TBCK: variants seen among roughly 807,000 people sequenced by gnomAD.
TBCK encodes the protein TBC1 domain containing kinase, also known as TBC domain-containing protein kinase-like protein.
TBCK carries 99 observed loss-of-function variants against 113.4 expected under a neutral mutation model. That is an observed-to-expected ratio of 0.87 (90% CI 0.74 to 1.03). The LOEUF (loss-of-function observed/expected upper bound fraction) is 1.03. Among genes scored for constraint, TBCK ranks in the 50% least tolerant of loss-of-function variants. TBCK has a pLI of 0.00. For synonymous variants in TBCK, 369 were observed against 370.8 expected (o/e 1.00, Z 0.05); for missense variants, 1,045 against 1,061.3 (o/e 0.98, Z 0.21).
intron 22 of TBCK, among the ~76,000 whole-genome samples, chr4:106,180,646 T>C (rs1560773896): frequency 6.6e-6 from 1 of 152,090 alleles, no homozygotes; most frequent in Non-Finnish European, 1.5e-5. Context: ...TGGTTTTCTA[T>C]CTTGTGATAA....
At chr4:106,226,035 A>T (rs376899857) in intron 19 of TBCK, among the ~76,000 whole-genome samples, 1 of 151,966 alleles carries the variant, frequency 6.6e-6, no homozygotes, top group East Asian at 2.0e-4. Flanking sequence ...GTGGTGATGC[A>T]TGCCTGTAGT....
chr4:106,183,320 C>T (rs111259418), intron 22 of TBCK, among the ~76,000 whole-genome samples: 3 of 151,936 alleles, frequency 2.0e-5, no homozygotes, highest in African/African-American at 7.2e-5. Context: ...CATGCAAGGC[C>T]CCCATAACCA....
intron 3 of TBCK, among the ~76,000 whole-genome samples, chr4:106,269,562 A>G (rs1186527801): frequency 2.0e-5 from 3 of 152,170 alleles, no homozygotes. Context: ...GGACACAACT[A>G]TCCATGCTAA....
chr4:106,163,894 A>G (rs1164315170), intron 23 of TBCK, among the ~76,000 whole-genome samples: 1 of 152,108 alleles, frequency 6.6e-6, no homozygotes, highest in Non-Finnish European at 1.5e-5. Flanking sequence ...GAATATAGAA[A>G]GAAAAATTCA....
At chr4:106,312,240 C>A (rs1473863987) in intron 1 of TBCK, among the ~76,000 whole-genome samples, 1 of 152,032 alleles carries the variant, frequency 6.6e-6, no homozygotes, top group East Asian at 1.9e-4. Context: ...ATATAATTGA[C>A]CTGTATTCGG....
chr4:106,194,519 T>C (rs1485815930), intron 21 of TBCK, among the ~76,000 whole-genome samples, 199 bp downstream of exon 21: 1 of 152,056 alleles, frequency 6.6e-6, no homozygotes, highest in Non-Finnish European at 1.5e-5. Context: ...CAATAGGTTT[T>C]TATTTTATAG....
upstream of TBCK, chr4:106,316,366 C>T: frequency 1.6e-6 from 1 of 607,062 alleles, no homozygotes; most frequent in South Asian, 2.1e-5. Context: ...CGGGGGGGGT[C>T]GATTGAAAAT....
chr4:106,083,890 G>C (rs1167405671), intron 25 of TBCK, among the ~76,000 whole-genome samples: 1 of 152,118 alleles, frequency 6.6e-6, no homozygotes, highest in Non-Finnish European at 1.5e-5. Context: ...AGTGACAACA[G>C]CACCAAAAAC....
chr4:106,302,640 CA>C lies in TBCK; in HGVS notation c.193+6127del, dbSNP rs144072867. Reference sequence around the variant, plus strand: ...TCTTGGTGGAAAGAGTGTGGAAAGACAGGCCTCTGCCAAATTTACAGATGTT... The same window carrying C: ...TCTTGGTGGAAAGAGTGTGGAAAGACGGCCTCTGCCAAATTTACAGATGTT... On this transcript the variant is annotated intron_variant, in intron 2 of 25. Transcript: ENST00000394708. Among the ~76,000 whole-genome samples, 865 of 152,004 alleles carry C rather than the reference CA, an allele frequency of 5.7e-3. 9 individuals are homozygous for C. The highest frequency in any genetic ancestry group is 0.02 in the African/African-American group (835 of 41,456).
At chr4:106,085,364 A>G (rs1337752155) in intron 25 of TBCK, among the ~76,000 whole-genome samples, 1 of 152,240 alleles carries the variant, frequency 6.6e-6, no homozygotes, top group Non-Finnish European at 1.5e-5. Context: ...ATCATAAAAG[A>G]CAAAGAAGGG....
chr4:106,065,487 T>C (rs1463221055), intron 25 of TBCK, among the ~76,000 whole-genome samples: 3 of 152,026 alleles, frequency 2.0e-5, no homozygotes, highest in African/African-American at 4.8e-5. Flanking sequence ...AAGGCTTGAA[T>C]TGACTTCATG....
intron 1 of TBCK, among the ~76,000 whole-genome samples, chr4:106,314,722 T>C (rs1561013068): frequency 6.9e-6 from 1 of 145,036 alleles, no homozygotes; most frequent in Non-Finnish European, 1.5e-5. Flanking sequence ...ACCTCCCGGG[T>C]TCAAGCGATT....
At chr4:106,241,042 T>A (rs1455387639) in intron 12 of TBCK, among the ~76,000 whole-genome samples, 2 of 152,022 alleles carry the variant, frequency 1.3e-5, no homozygotes, top group Non-Finnish European at 2.9e-5. Flanking sequence ...ATAGATCATA[T>A]CAATGCTTGA....
At chr4:106,139,652 G>A (rs574867945) in intron 23 of TBCK, among the ~76,000 whole-genome samples, 1 of 141,238 alleles carries the variant, frequency 7.1e-6, no homozygotes, top group South Asian at 2.4e-4. Flanking sequence ...AGATCAGAAA[G>A]GTTATGTACA....
At chr4:106,240,834 CAT>C (rs748535405) in intron 12 of TBCK, among the ~76,000 whole-genome samples, 13 of 152,068 alleles carry the variant, frequency 8.5e-5, no homozygotes, top group Admixed American at 1.3e-4. Context: ...GAAAGATAGA[CAT>C]GTGATAAAGC....
Position 106,214,331 on chromosome 4 carries a change from G to A in TBCK, c.1775-1496C>T, listed in dbSNP as rs565510686. Among the ~76,000 whole-genome samples, 451 of 151,988 alleles carry A rather than the reference G, an allele frequency of 3.0e-3. 2 individuals carry two copies. The highest frequency in any genetic ancestry group is 5.8e-3 in the Admixed American group (88 of 15,256). ...AGCGCCTCTCCTCCTCCAAAGGAAC[G>A]CGGCTCCTCACCAGCAACGGAACAC... On this transcript the variant is annotated intron_variant, in intron 19 of 25. Coordinates refer to ENST00000394708, the MANE Select transcript of TBCK (RefSeq NM_001163435.3).
At chr4:106,213,983 A>G (rs1756517584) in intron 19 of TBCK, among the ~76,000 whole-genome samples, 1 of 152,202 alleles carries the variant, frequency 6.6e-6, no homozygotes, top group South Asian at 2.1e-4. Context: ...ACAGCTTTGA[A>G]GAGAGCAGTG....
chr4:106,166,836 A>C (rs1560749203), intron 23 of TBCK, among the ~76,000 whole-genome samples: 1 of 151,636 alleles, frequency 6.6e-6, no homozygotes, highest in African/African-American at 2.4e-5. Context: ...AATTAATACA[A>C]AATAAGCATT....
chr4:106,146,107 C>A (rs1370465215), intron 23 of TBCK, among the ~76,000 whole-genome samples: 1 of 152,140 alleles, frequency 6.6e-6, no homozygotes, highest in African/African-American at 2.4e-5. Flanking sequence ...ATGTTCACTG[C>A]AGCACTGTTC....
Sources: gnomAD v4.1 joint callset for allele counts (sites outside exome capture counted in the v4.1 genomes callset) on GRCh38, gnomAD v4.1.1 for gene constraint, MANE v1.5 for transcripts, NCBI Gene and HGNC (gene_info 2026-07-23, HGNC 2026-07-21) for gene names.